The following PEX1 variants were observed in gnomAD, a reference collection of about 807,000 sequenced individuals.
The protein encoded by PEX1 is peroxisomal biogenesis factor 1.
A neutral mutation model predicts 152.5 loss-of-function variants in PEX1; 97 were observed. The ratio of observed to expected loss-of-function variants is 0.64; its 90% CI spans 0.54 to 0.75. The LOEUF (loss-of-function observed/expected upper bound fraction) is 0.75, where lower values mean the gene tolerates loss of function less well. Among genes scored for constraint, PEX1 ranks in the 30% least tolerant of loss-of-function variants. PEX1 has a pLI of 0.00. For synonymous variants in PEX1, 485 were observed against 531.6 expected (o/e 0.91, Z 1.21); for missense variants, 1,357 against 1,516.3 (o/e 0.89, Z 1.74).
intron 1 of PEX1, among the ~76,000 whole-genome samples, chr7:92,527,267 T>G (rs1016038314): frequency 1.3e-5 from 2 of 152,180 alleles, no homozygotes; most frequent in African/African-American, 4.8e-5. Context: ...TACTATTAAG[T>G]GCAGATTTGA....
rs755622576 is a variant in PEX1 at position 92,517,257 on chromosome 7, T to C, written c.1239+19A>G. On this transcript the variant is annotated intron_variant, in intron 5 of 23. Transcript: ENST00000248633. ...TAAGCCACATAAAATTTCTCCCAAG[T>C]TATAAAATTTATACTAACCCAGACT... The C allele has an allele frequency of 6.3e-7, 1 of 1,591,690 alleles. No individual in the cohort carries two copies. Among genetic ancestry groups the C allele is most frequent in the East Asian group, 2.2e-5 (1 of 44,740 alleles).
At chr7:92,500,005 CTG>C (rs1273673242) in intron 15 of PEX1, among the ~76,000 whole-genome samples, 167 bp from the exon 16 acceptor site, 1 of 152,140 alleles carries the variant, frequency 6.6e-6, no homozygotes, top group Non-Finnish European at 1.5e-5. Flanking sequence ...CTACTAAAAA[CTG>C]TAAATGAACT....
At chr7:92,509,200 A>T (rs1463790849) in intron 9 of PEX1, 129 bp downstream of exon 9, 1 of 693,596 alleles carries the variant, frequency 1.4e-6, no homozygotes, top group Non-Finnish European at 2.6e-6. Context: ...TCCTTGAAAA[A>T]ATATCTACTG....
intron 16 of PEX1, among the ~76,000 whole-genome samples, chr7:92,499,242 C>T (rs568617759): frequency 6.6e-6 from 1 of 152,146 alleles, no homozygotes; most frequent in African/African-American, 2.4e-5. Context: ...AAAACATATC[C>T]GTGGAGAAAT....
At chr7:92,528,195 G>T in intron 1 of PEX1, 112 bp downstream of exon 1, 2 of 1,417,890 alleles carry the variant, frequency 1.4e-6, no homozygotes, top group Non-Finnish European at 1.9e-6. Flanking sequence ...CCTGATCTCT[G>T]CGCGCTTCGG....
Position 92,488,666 on chromosome 7 carries a change from A to G in PEX1, c.3767+627T>C, listed in dbSNP as rs534472240. ...AGGTATTTTTATAACAAAATTTTAT[A>G]AACTATACATTAGAATCACTTTCAA... On this transcript the variant is annotated intron_variant, in intron 23 of 23. Transcript: ENST00000248633. Among the ~76,000 whole-genome samples the G allele has an allele frequency of 9.8e-5, 15 of 152,340 alleles. No homozygotes were observed. In the East Asian group the frequency reaches 2.5e-3, roughly 25 times the overall value.
At chr7:92,519,752 CTAA>C (rs1019106658) in intron 2 of PEX1, among the ~76,000 whole-genome samples, 1 of 152,058 alleles carries the variant, frequency 6.6e-6, no homozygotes, top group African/African-American at 2.4e-5. Flanking sequence ...TTAAGTAAAA[CTAA>C]TAATACCCTC....
At chr7:92,519,765 C>T (rs891482227) in intron 2 of PEX1, among the ~76,000 whole-genome samples, 1 of 152,104 alleles carries the variant, frequency 6.6e-6, no homozygotes, top group Non-Finnish European at 1.5e-5. Context: ...ATAATACCCT[C>T]CTATTATAGT....
intron 6 of PEX1, among the ~76,000 whole-genome samples, chr7:92,512,870 A>G (rs1792543422): frequency 6.6e-6 from 1 of 151,894 alleles, no homozygotes; most frequent in South Asian, 2.1e-4. Flanking sequence ...GCCTCAAGCA[A>G]TCCTCCCACC....
Position 92,494,562 on chromosome 7 carries a change from G to T in PEX1, c.2851C>A (p.His951Asn). ...CGGTCTGTAACTCCTGTATTATCAT[G>T]ACCCCGCCGAGGAGCAATGGATTCA... ...EFESIAPRRG[H>N]DNTGVTDRVV... is the part of the protein sequence containing the mutation. The change falls in exon 18 of 24, where the codon CAT (histidine) becomes AAT (asparagine). Residue 951 changes from histidine to asparagine, a missense_variant. Coordinates refer to ENST00000248633, the MANE Select transcript of PEX1 (RefSeq NM_000466.3). 6.2e-7 allele frequency: 1 copy of T among 1,613,852 alleles called. No individual in the cohort carries two copies. Among genetic ancestry groups the T allele is most frequent in the Non-Finnish European group, 8.5e-7 (1 of 1,179,746 alleles).
chr7:92,504,509 C>CT (rs2116163558), intron 12 of PEX1, among the ~76,000 whole-genome samples: 1 of 152,094 alleles, frequency 6.6e-6, no homozygotes, highest in Admixed American at 6.5e-5. Context: ...ATGAAAAACC[C>CT]TAAAGGACTA....
At chr7:92,516,018 G>A (rs199731803) in intron 5 of PEX1, among the ~76,000 whole-genome samples, 1 of 81,710 alleles carries the variant, frequency 1.2e-5, no homozygotes, top group African/African-American at 4.3e-5. Context: ...AAAGAGAAGA[G>A]AAGAGAAGAG....
At position 92,491,436 on chromosome 7, in the gene PEX1, C is replaced by T. The variant is rs968078471; in HGVS notation, c.3274G>A (p.Gly1092Ser). The T allele has an allele frequency of 1.2e-6, 2 of 1,613,818 alleles. No homozygotes were observed. The highest frequency in any genetic ancestry group is 1.7e-6 in the Non-Finnish European group (2 of 1,179,878). Residue 1092 changes from glycine to serine, a missense_variant, in exon 21 of 24, where the codon GGC becomes AGC. Transcript: ENST00000248633. ...SSMVFLNHSS[G>S]SDDSAGDGEC... ...CCATCTCCAGCTGAATCGTCAGAGC[C>T]ACTGCTATGGTTAAGAAAGACCATT... is the stretch of plus-strand genomic sequence containing the variant.
rs1188145762 is a variant in PEX1 at position 92,506,327 on chromosome 7, A to G, written c.1821T>C (p.Thr607=). The part of the protein sequence containing the change: ...LTGGKGSGKS[T]LAKAICKEAF... ...CTTCTTTACAGATTGCTTTGGCTAA[A>G]GTTGATTTTCCACTTCCCTAGAAAA... Residue 607 remains threonine (T), a synonymous_variant, in exon 11 of 24, where the codon ACT becomes ACC. Coordinates refer to ENST00000248633, the MANE Select transcript of PEX1 (RefSeq NM_000466.3). 6.2e-7 allele frequency: 1 copy of G among 1,608,172 alleles called. No individual in the cohort carries two copies. Among genetic ancestry groups the G allele is most frequent in the Admixed American group, 1.7e-5 (1 of 60,010 alleles).
rs2116205422 is a variant in PEX1 at position 92,511,007 on chromosome 7, T to C, written c.1524A>G (p.Glu508=). 6.3e-7 allele frequency: 1 copy of C among 1,585,976 alleles called. No individual in the cohort carries two copies. Among genetic ancestry groups the C allele is most frequent in the Non-Finnish European group, 8.7e-7 (1 of 1,155,192 alleles). The change falls in exon 8 of 24, where the codon GAA becomes GAG. Residue 508 remains glutamate, a synonymous_variant. Coordinates refer to ENST00000248633, the MANE Select transcript of PEX1 (RefSeq NM_000466.3). ...EFSLSIVHSW[E]KEKDKNIFLL... ...GAAAAATATTTTTATCTTTTTCTTT[T>C]TCCCAAGAATGAACTATACTCAGAG...
rs976789592 is a variant in PEX1, at chr7:92,513,888, T to C, written c.1319A>G (p.Lys440Arg). The C allele has an allele frequency of 1.2e-6, 2 of 1,602,490 alleles. No homozygotes were observed. The highest frequency in any genetic ancestry group is 2.7e-5 in the African/African-American group (2 of 74,720). The stretch of plus-strand genomic sequence containing the variant: ...TTGTAACTTTAGAGATCTTGGAATT[T>C]TAGGGGTAACTTCCACTGGAGTTAT... ...VRITPVEVTP[K>R]IPRSLKLQPR... Residue 440 changes from lysine (K) to arginine (R), a missense_variant, in exon 6 of 24, where the codon AAA becomes AGA. Lys to Arg is a conservative substitution (Grantham distance 26). Coordinates refer to ENST00000248633, the MANE Select transcript of PEX1 (RefSeq NM_000466.3).
intron 8 of PEX1, among the ~76,000 whole-genome samples, chr7:92,510,409 T>A (rs1046201606): frequency 6.6e-6 from 1 of 151,604 alleles, no homozygotes; most frequent in Non-Finnish European, 1.5e-5. Context: ...GAGGCTGCAG[T>A]GAGCCATGAT....
At chr7:92,517,046 T>C (rs1009323930) in intron 5 of PEX1, among the ~76,000 whole-genome samples, 10 of 152,230 alleles carry the variant, frequency 6.6e-5, no homozygotes, top group African/African-American at 2.4e-4. Flanking sequence ...CTCTCTGGCC[T>C]GAACCTATCT....
Position 92,504,744 on chromosome 7 carries a change from G to T in PEX1, c.2059C>A (p.Arg687=), listed in dbSNP as rs138008298. Residue 687 remains arginine (R), a synonymous_variant, in exon 12 of 24, where the codon CGG becomes AGG. Coordinates refer to ENST00000248633, the MANE Select transcript of PEX1 (RefSeq NM_000466.3). Reference sequence around the variant, plus strand: ...TGGATGCATTTACCATGAGCAAGCCGCTGGCTCTGCACCGCATCAGGACTG... The same window carrying T: ...TGGATGCATTTACCATGAGCAAGCCTCTGGCTCTGCACCGCATCAGGACTG... ...EHSPDAVQSQ[R]LAHALNDMIK... is the part of the protein sequence containing the mutation. The T allele has an allele frequency of 6.2e-7, 1 of 1,613,988 alleles. No homozygotes were observed. The highest frequency in any genetic ancestry group is 2.2e-5 in the East Asian group (1 of 44,878).
Sources: gnomAD v4.1 joint callset for allele counts (sites outside exome capture counted in the v4.1 genomes callset) on GRCh38, gnomAD v4.1.1 for gene constraint, MANE v1.5 for transcripts, NCBI Gene and HGNC (gene_info 2026-07-23, HGNC 2026-07-21) for gene names.